PKP2: variants seen among roughly 807,000 people sequenced by gnomAD.
PKP2 encodes plakophilin-2.
In PKP2, 73 loss-of-function variants were observed where a neutral mutation model predicts 83.4. The observed-to-expected ratio is 0.88, with a 90% CI of 0.72 to 1.06. The LOEUF (loss-of-function observed/expected upper bound fraction) is 1.06, where lower values mean the gene tolerates loss of function less well. Ranked by LOEUF, PKP2 falls within the 50% of genes least tolerant of loss-of-function variation. PKP2 has a pLI of 0.00. For synonymous variants in PKP2, 409 were observed against 430.4 expected (o/e 0.95, Z 0.62); for missense variants, 966 against 1,065.4 (o/e 0.91, Z 1.30).
intron 1 of PKP2, among the ~76,000 whole-genome samples, chr12:32,887,316 A>T (rs1288042709): frequency 6.6e-6 from 1 of 152,204 alleles, no homozygotes; most frequent in African/African-American, 2.4e-5. Flanking sequence ...ACGATATACC[A>T]GCCACTAGAG....
intron 10 of PKP2, among the ~76,000 whole-genome samples, chr12:32,801,075 T>C (rs972072719): frequency 2.6e-5 from 4 of 152,224 alleles, no homozygotes. Flanking sequence ...GAAGCCAATC[T>C]GGAATTTTAA....
At chr12:32,802,284 CCT>C in intron 10 of PKP2, 117 bp downstream of exon 10, 1 of 1,032,466 alleles carries the variant, frequency 9.7e-7, no homozygotes, top group Non-Finnish European at 1.5e-6. Context: ...CGGTTTATCA[CCT>C]ACTCCTTACT....
intron 1 of PKP2, among the ~76,000 whole-genome samples, chr12:32,885,736 G>C (rs1957024907): frequency 6.6e-6 from 1 of 151,986 alleles, no homozygotes; most frequent in African/African-American, 2.4e-5. Flanking sequence ...TAATTGGTTA[G>C]ATTGAATGTA....
chr12:32,881,024 A>G (rs1208356546), intron 1 of PKP2, among the ~76,000 whole-genome samples: 1 of 152,226 alleles, frequency 6.6e-6, no homozygotes, highest in Admixed American at 6.5e-5. Flanking sequence ...ATGGGAACAC[A>G]TCAACATAAC....
At chr12:32,801,626 T>C (rs1313024395) in intron 10 of PKP2, among the ~76,000 whole-genome samples, 1 of 152,234 alleles carries the variant, frequency 6.6e-6, no homozygotes. Flanking sequence ...ATATTGTTTA[T>C]AATTTTTGTG....
At chr12:32,813,893 T>C (rs948838404) in intron 9 of PKP2, among the ~76,000 whole-genome samples, 1 of 152,212 alleles carries the variant, frequency 6.6e-6, no homozygotes, top group Admixed American at 6.5e-5. Flanking sequence ...AAAGTGTCCA[T>C]GACTCAAAGG....
intron 6 of PKP2, among the ~76,000 whole-genome samples, chr12:32,824,986 T>C (rs943864237): frequency 5.9e-5 from 9 of 152,052 alleles, no homozygotes; most frequent in African/African-American, 2.2e-4. Flanking sequence ...TTAGATTAAG[T>C]TTTTCTTACT....
At position 32,841,109 on chromosome 12, in the gene PKP2, G is replaced by GA; in HGVS notation, c.1474dup (p.Ser492PhefsTer5). ...TGGGTAGTCTCCTTCAGGCCACCCAGAAAAGGGGATGATGATATTCTCCGT... is the reference window on the plus strand; with the variant it reads ...TGGGTAGTCTCCTTCAGGCCACCCAGAAAAAGGGGATGATGATATTCTCCGT... On this transcript the variant is annotated frameshift_variant, in exon 6 of 13. Coordinates refer to ENST00000340811, the MANE Select transcript of PKP2 (RefSeq NM_001005242.3). LOFTEE classifies it high-confidence loss of function. The GA allele has an allele frequency of 6.2e-7, 1 of 1,613,414 alleles. No homozygotes were observed. Among genetic ancestry groups the GA allele is most frequent in the South Asian group, 1.1e-5 (1 of 91,066 alleles).
chr12:32,880,707 T>A (rs1956977687), intron 1 of PKP2, among the ~76,000 whole-genome samples: 1 of 152,178 alleles, frequency 6.6e-6, no homozygotes, highest in African/African-American at 2.4e-5. Context: ...TATCTTCACA[T>A]ACTCCTGTCT....
rs1416886274 is a variant in PKP2 at position 32,790,887 on chromosome 12, A to G, written c.*1537T>C. The G allele has an allele frequency of 1.3e-5, 2 of 152,204 alleles. No homozygotes were observed. The highest frequency in any genetic ancestry group is 2.9e-5 in the Non-Finnish European group (2 of 68,032). The allele number at this position is 152,204 out of a possible 1,614,324, so 9.4% of individuals were successfully genotyped here. A position where few individuals can be genotyped will look rare whatever the true frequency, so the allele number is the denominator to read the frequency against. On this transcript the variant is annotated 3_prime_UTR_variant, in exon 13 of 13. Transcript: ENST00000340811. ...ATCAGAACTCTGGAAAAAGACATAT[A>G]AATTCTCTCCAGTATTTTAAAAATT...
chr12:32,823,036 G>A (rs1956397835), intron 7 of PKP2, among the ~76,000 whole-genome samples: 1 of 152,192 alleles, frequency 6.6e-6, no homozygotes. Flanking sequence ...AGAGGGAAGT[G>A]TAAGAACTGA....
At chr12:32,825,162 C>CTTTTTT (rs10607965) in intron 6 of PKP2, among the ~76,000 whole-genome samples, 48 of 76,846 alleles carry the variant, frequency 6.2e-4, no homozygotes, top group Non-Finnish European at 8.2e-4. Context: ...AGATCAGTTT[C>CTTTTTT]TTTTTTTTTT....
At chr12:32,814,013 TC>T (rs1408257406) in intron 9 of PKP2, among the ~76,000 whole-genome samples, 1 of 152,114 alleles carries the variant, frequency 6.6e-6, no homozygotes, top group Non-Finnish European at 1.5e-5. Context: ...CTGAGAAGAA[TC>T]CTTCCCCTGT....
chr12:32,843,125 G>A (rs1270300789), intron 5 of PKP2: 7 of 411,864 alleles, frequency 1.7e-5, no homozygotes, highest in East Asian at 7.2e-5. Context: ...GATTACAGGC[G>A]CAGACCACGA....
At chr12:32,811,003 G>A (rs1592733030) in intron 9 of PKP2, among the ~76,000 whole-genome samples, 1 of 152,312 alleles carries the variant, frequency 6.6e-6, no homozygotes, top group South Asian at 2.1e-4. Context: ...TTTTAAATGA[G>A]AATTTCAGCT....
intron 9 of PKP2, among the ~76,000 whole-genome samples, chr12:32,810,079 A>G (rs750029578): frequency 8.5e-5 from 13 of 152,200 alleles, no homozygotes; most frequent in Non-Finnish European, 1.9e-4. Flanking sequence ...AATAGACATG[A>G]GTTGTTCTGT....
rs35990527 is a variant in PKP2, at chr12:32,793,613, C to CTTTTTTTTTTTT, written c.2358-894_2358-883dup. Among the ~76,000 whole-genome samples the CTTTTTTTTTTTT allele has an allele frequency of 7.8e-4, 60 of 76,728 alleles. 3 individuals carry two copies. The highest frequency in any genetic ancestry group is 2.8e-3 in the African/African-American group (48 of 17,390). 50.3% of individuals were successfully genotyped at this position (76,728 alleles called of 152,430 possible). ...ACTGTACTTAGTCTTTCATATTCTG[C>CTTTTTTTTTTTT]TTTTTTTTTTTTTTTTTTTTTTTTG... On this transcript the variant is annotated intron_variant, in intron 11 of 12. Coordinates refer to ENST00000340811, the MANE Select transcript of PKP2 (RefSeq NM_001005242.3).
chr12:32,792,321 G>T lies in PKP2; in HGVS notation c.*103C>A. ...TCAGGGGACCACGGAAATAGAGAAG[G>T]ATAGAAACAAGGCATGCTTTTGAGG... On this transcript the variant is annotated 3_prime_UTR_variant, in exon 13 of 13. Transcript: ENST00000340811. 1.2e-6 allele frequency: 1 copy of T among 832,128 alleles called. No individual in the cohort carries two copies. The highest frequency in any genetic ancestry group is 2.1e-6 in the Non-Finnish European group (1 of 473,452). 51.5% of individuals were successfully genotyped at this position (832,128 alleles called of 1,614,324 possible). A position where few individuals can be genotyped will look rare whatever the true frequency, so the allele number is the denominator to read the frequency against.
At chr12:32,892,139 C>G (rs931717833) in intron 1 of PKP2, among the ~76,000 whole-genome samples, 1 of 151,962 alleles carries the variant, frequency 6.6e-6, no homozygotes, top group Admixed American at 6.6e-5. Context: ...CTCCTACTTT[C>G]TGAACGATTA....
Sources: gnomAD v4.1 joint callset for allele counts (sites outside exome capture counted in the v4.1 genomes callset) on GRCh38, gnomAD v4.1.1 for gene constraint, MANE v1.5 for transcripts, NCBI Gene and HGNC (gene_info 2026-07-23, HGNC 2026-07-21) for gene names.